The following RARB variants were observed in gnomAD, a reference collection of about 807,000 sequenced individuals.
RARB encodes HBV-activated protein.
RARB carries 17 observed loss-of-function variants against 51.9 expected under a neutral mutation model. The ratio of observed to expected loss-of-function variants is 0.33; its 90% CI spans 0.22 to 0.49. The LOEUF is 0.49. Among genes scored for constraint, RARB ranks in the 20% least tolerant of loss-of-function variants. The pLI, the probability that RARB is intolerant of heterozygous loss-of-function variation, is 0.99. For synonymous variants in RARB, 215 were observed against 195.4 expected (o/e 1.10, Z -0.84); for missense variants, 369 against 550.8 (o/e 0.67, Z 3.30).
At chr3:25,271,154 T>G (rs1703248687) in intron 5 of RARB, among the ~76,000 whole-genome samples, 1 of 152,200 alleles carries the variant, frequency 6.6e-6, no homozygotes, top group African/African-American at 2.4e-5. Flanking sequence ...CACCAACCAA[T>G]TACGATGGAA....
intron 5 of RARB, among the ~76,000 whole-genome samples, chr3:25,194,389 G>A (rs1424113339): frequency 1.3e-5 from 2 of 151,378 alleles, no homozygotes; most frequent in African/African-American, 2.4e-5. Context: ...TTTACCATAT[G>A]CACATACACA....
At chr3:25,364,996 T>A (rs1339025751) in intron 5 of RARB, among the ~76,000 whole-genome samples, 1 of 152,128 alleles carries the variant, frequency 6.6e-6, no homozygotes, top group Non-Finnish European at 1.5e-5. Flanking sequence ...TATCATTTGA[T>A]TCATTGACAT....
At chr3:25,595,642 C>T (rs775092173) in intron 7 of RARB, among the ~76,000 whole-genome samples, 3 of 152,222 alleles carry the variant, frequency 2.0e-5, no homozygotes, top group Non-Finnish European at 4.4e-5. Context: ...ATAATCTGTA[C>T]TGTCCAGTTC....
intron 2 of RARB, among the ~76,000 whole-genome samples, chr3:24,957,549 T>C (rs959855467): frequency 6.6e-6 from 1 of 151,972 alleles, no homozygotes; most frequent in African/African-American, 2.4e-5. Flanking sequence ...GAAGAAAAGA[T>C]TGTTCTCAGT....
chr3:25,343,024 T>TTGTGTGTGTGTGTGTG lies in RARB; in HGVS notation c.179-118135_179-118120dup, dbSNP rs6147737. 3.2e-3 allele frequency among the ~76,000 whole-genome samples: 419 copies of TTGTGTGTGTGTGTGTG among 132,128 alleles called. 5 individuals are homozygous for TTGTGTGTGTGTGTGTG. Among genetic ancestry groups the TTGTGTGTGTGTGTGTG allele is most frequent in the African/African-American group, 4.2e-3 (139 of 32,998 alleles). 86.7% of individuals were successfully genotyped at this position (132,128 alleles called of 152,430 possible). The stretch of plus-strand genomic sequence containing the variant: ...TTCCTGTTTACATTTTGCAAGTACT[T>TTGTGTGTGTGTGTGTG]TGTGTGTGTGTGTGTGTGTGTGTGT... On this transcript the variant is annotated intron_variant, in intron 5 of 11. Coordinates refer to the RARB transcript ENST00000383772.
At chr3:25,060,277 A>G (rs1016789532) in intron 3 of RARB, 2 of 151,924 alleles carry the variant, frequency 1.3e-5, no homozygotes, top group African/African-American at 4.8e-5. Context: ...GTAGTTTGGC[A>G]TATGAATTTT....
chr3:24,837,646 C>G (rs1467358656), intron 1 of RARB, among the ~76,000 whole-genome samples: 1 of 152,160 alleles, frequency 6.6e-6, no homozygotes, highest in Non-Finnish European at 1.5e-5. Flanking sequence ...TTTCTCAGTA[C>G]TGATTTTGGC....
intron 2 of RARB, among the ~76,000 whole-genome samples, chr3:24,917,801 A>G (rs1695137132): frequency 6.6e-6 from 1 of 152,236 alleles, no homozygotes; most frequent in Non-Finnish European, 1.5e-5. Context: ...TGCTGGGCTT[A>G]CAGGCGTGAG....
intron 2 of RARB, among the ~76,000 whole-genome samples, chr3:25,483,716 C>T (rs1253310119): frequency 6.6e-6 from 1 of 152,074 alleles, no homozygotes; most frequent in African/African-American, 2.4e-5. Context: ...AGTAAAACTT[C>T]TGGGTGCATA....
intron 5 of RARB, among the ~76,000 whole-genome samples, chr3:25,264,151 A>G (rs1703072199): frequency 6.6e-6 from 1 of 152,160 alleles, no homozygotes; most frequent in Non-Finnish European, 1.5e-5. Context: ...TTTTATCACA[A>G]ACAACTTTGT....
intron 2 of RARB, among the ~76,000 whole-genome samples, chr3:24,895,488 T>G (rs1319551541): frequency 6.6e-6 from 1 of 152,170 alleles, no homozygotes; most frequent in Non-Finnish European, 1.5e-5. Context: ...ACAACTGTTC[T>G]AGATTAAAGC....
chr3:25,497,133 C>T (rs1219998657), intron 2 of RARB, among the ~76,000 whole-genome samples: 2 of 152,202 alleles, frequency 1.3e-5, no homozygotes, highest in South Asian at 2.1e-4. Flanking sequence ...GATCCGCCCA[C>T]CTTGGCCTCC....
At chr3:24,940,572 C>T (rs1160780091) in intron 2 of RARB, among the ~76,000 whole-genome samples, 8 of 152,094 alleles carry the variant, frequency 5.3e-5, no homozygotes, top group African/African-American at 1.9e-4. Context: ...ATGTTTTTTC[C>T]TTGTCTTGCA....
intron 5 of RARB, among the ~76,000 whole-genome samples, chr3:25,340,796 A>G (rs1304005224): frequency 6.6e-6 from 1 of 152,190 alleles, no homozygotes; most frequent in East Asian, 1.9e-4. Flanking sequence ...CGCTTTGGAG[A>G]AGCCATTGAC....
intron 2 of RARB, among the ~76,000 whole-genome samples, chr3:25,046,013 T>C (rs1255441817): frequency 6.6e-6 from 1 of 152,250 alleles, no homozygotes; most frequent in Non-Finnish European, 1.5e-5. Context: ...TAGAAATCTG[T>C]CATACCCAGG....
intron 5 of RARB, among the ~76,000 whole-genome samples, chr3:25,322,535 C>A (rs1248512765): frequency 6.6e-6 from 1 of 152,134 alleles, no homozygotes; most frequent in African/African-American, 2.4e-5. Context: ...ATTTTAATTT[C>A]TCCAAATAGA....
intron 5 of RARB, among the ~76,000 whole-genome samples, chr3:25,412,618 T>C (rs534417453): frequency 4.6e-5 from 7 of 152,360 alleles, no homozygotes; most frequent in Admixed American, 4.6e-4. Flanking sequence ...TAAAGACTTT[T>C]ATTGAAATAA....
intron 5 of RARB, among the ~76,000 whole-genome samples, chr3:25,201,212 C>A (rs780018814): frequency 3.3e-5 from 5 of 151,966 alleles, no homozygotes; most frequent in Non-Finnish European, 5.9e-5. Flanking sequence ...GGAGTTCACT[C>A]GTGATTTGGC....
At chr3:24,832,494 A>G (rs1198364602) in intron 1 of RARB, among the ~76,000 whole-genome samples, 1 of 151,790 alleles carries the variant, frequency 6.6e-6, no homozygotes, top group South Asian at 2.1e-4. Flanking sequence ...GTTGGCTACA[A>G]ACTTATTTGT....
Sources: gnomAD v4.1 joint callset for allele counts (sites outside exome capture counted in the v4.1 genomes callset) on GRCh38, gnomAD v4.1.1 for gene constraint, MANE v1.5 for transcripts, NCBI Gene and HGNC (gene_info 2026-07-23, HGNC 2026-07-21) for gene names.